The following KDM4B variants were observed in gnomAD, a reference collection of about 807,000 sequenced individuals.
The protein encoded by KDM4B is lysine-specific demethylase 4B.
KDM4B carries 32 observed loss-of-function variants against 125.2 expected under a neutral mutation model. That is an observed-to-expected ratio of 0.26 (90% CI 0.19 to 0.34). KDM4B has a LOEUF of 0.34. Ranked by LOEUF, KDM4B falls within the 10% of genes least tolerant of loss-of-function variation. KDM4B has a pLI of 1.00. For missense variants in KDM4B, 1,190 were observed against 1,577.7 expected (o/e 0.75, Z 4.16); for synonymous variants, 721 against 677.9 (o/e 1.06, Z -0.99).
intron 6 of KDM4B, among the ~76,000 whole-genome samples, chr19:5,055,729 C>G (rs1403024681): frequency 6.6e-6 from 1 of 152,214 alleles, no homozygotes; most frequent in Non-Finnish European, 1.5e-5. Context: ...TCATTCTTGT[C>G]CCAGGCTTGT....
In KDM4B at chr19:5,013,536, C is replaced by T. The variant is rs566840810; in HGVS notation, c.-108-2721C>T. On this transcript the variant is annotated intron_variant, in intron 1 of 22. Transcript: ENST00000159111. Reference sequence around the variant, plus strand: ...CATGATGTGGGCAGGGCTGTTCCTTCTGGAGGCTCCCGGAGACAGTCCATT... The same window carrying T: ...CATGATGTGGGCAGGGCTGTTCCTTTTGGAGGCTCCCGGAGACAGTCCATT... Among the ~76,000 whole-genome samples the T allele has an allele frequency of 2.0e-5, 3 of 152,216 alleles. No individual in the cohort carries two copies. In the South Asian group the frequency reaches 6.2e-4, roughly 32 times the overall value.
chr19:4,980,556 TG>T lies in KDM4B; in HGVS notation c.-109+11329del, dbSNP rs1298206191. On this transcript the variant is annotated intron_variant, in intron 1 of 22. Transcript: ENST00000159111. ...CTCCTGCCTCAGCCTCCTGAGTAGC[TG>T]GGATTACAGGCACCTGCCACCACAC... 1.4e-4 allele frequency among the ~76,000 whole-genome samples: 21 copies of T among 151,646 alleles called. 1 individual carries two copies. Among genetic ancestry groups the T allele is most frequent in the Admixed American group, 1.4e-3 (21 of 15,208 alleles).
At chr19:5,073,452 T>C (rs933869055) in intron 7 of KDM4B, among the ~76,000 whole-genome samples, 1 of 152,226 alleles carries the variant, frequency 6.6e-6, no homozygotes, top group Non-Finnish European at 1.5e-5. Flanking sequence ...CTCCTGGTGC[T>C]CTCTGGTGCC....
chr19:5,029,343 C>T lies in KDM4B; in HGVS notation c.-25-3523C>T, dbSNP rs557769366. Among the ~76,000 whole-genome samples, 9 of 152,320 alleles carry T rather than the reference C, an allele frequency of 5.9e-5. No homozygotes were observed. In the South Asian group the frequency reaches 1.7e-3, roughly 28 times the overall value. On this transcript the variant is annotated intron_variant, in intron 2 of 22. Transcript: ENST00000159111. ...TGGCTCTTCCAGGGTGTCTGATGCC[C>T]CCGAGTCATCCTGTGTCCTCTGTCT...
chr19:4,979,336 G>A (rs1287617608), intron 1 of KDM4B, among the ~76,000 whole-genome samples: 4 of 152,236 alleles, frequency 2.6e-5, no homozygotes, highest in Non-Finnish European at 5.9e-5. Flanking sequence ...GCAGTGCGCC[G>A]GGAGGCTTCC....
intron 11 of KDM4B, among the ~76,000 whole-genome samples, chr19:5,129,033 G>A (rs1488015902): frequency 2.6e-5 from 4 of 152,220 alleles, no homozygotes; most frequent in Non-Finnish European, 5.9e-5. Context: ...GGACTAGCAG[G>A]GGTGGGGGCC....
chr19:5,038,782 C>T (rs1426137515), intron 3 of KDM4B, among the ~76,000 whole-genome samples: 1 of 152,226 alleles, frequency 6.6e-6, no homozygotes, highest in Non-Finnish European at 1.5e-5. Flanking sequence ...TGCGCTGGGC[C>T]CCAGCACGCT....
intron 1 of KDM4B, among the ~76,000 whole-genome samples, chr19:5,015,114 G>T (rs529935178): frequency 6.6e-6 from 1 of 152,278 alleles, no homozygotes; most frequent in African/African-American, 2.4e-5. Context: ...GGCATTAGCT[G>T]AGCAGAAGGA....
intron 1 of KDM4B, among the ~76,000 whole-genome samples, chr19:4,973,082 A>G (rs987038406): frequency 6.6e-6 from 1 of 152,214 alleles, no homozygotes; most frequent in African/African-American, 2.4e-5. Flanking sequence ...TTTGCCAGAC[A>G]GTTTTCTTTA....
At chr19:4,985,080 T>G (rs1317815903) in intron 1 of KDM4B, among the ~76,000 whole-genome samples, 2 of 152,168 alleles carry the variant, frequency 1.3e-5, no homozygotes, top group African/African-American at 4.8e-5. Flanking sequence ...CCTAGCACTT[T>G]GGGAGGCCAA....
At chr19:5,062,797 T>TA (rs1555703218) in intron 6 of KDM4B, among the ~76,000 whole-genome samples, 6 of 133,316 alleles carry the variant, frequency 4.5e-5, no homozygotes, top group Non-Finnish European at 9.6e-5. Context: ...TTTTTTTTTT[T>TA]AGAGATAGAG....
intron 10 of KDM4B, among the ~76,000 whole-genome samples, chr19:5,113,510 C>T (rs1021793868): frequency 6.6e-6 from 1 of 152,122 alleles, no homozygotes; most frequent in African/African-American, 2.4e-5. Flanking sequence ...GGCTCCCTCC[C>T]TGAGGGCATA....
intron 15 of KDM4B, 84 bp downstream of exon 15, chr19:5,135,645 T>C: frequency 8.4e-7 from 1 of 1,189,766 alleles, no homozygotes; most frequent in Non-Finnish European, 1.2e-6. Flanking sequence ...CATCCTCCCC[T>C]GCGGAGGGCC....
At chr19:5,063,860 C>T (rs186542353) in intron 6 of KDM4B, among the ~76,000 whole-genome samples, 9 of 152,336 alleles carry the variant, frequency 5.9e-5, no homozygotes, top group Admixed American at 2.6e-4. Flanking sequence ...GGTCACCATG[C>T]GGCTCTGAGG....
intron 6 of KDM4B, among the ~76,000 whole-genome samples, chr19:5,051,857 C>G (rs1255709838): frequency 1.3e-5 from 2 of 152,246 alleles, no homozygotes; most frequent in East Asian, 3.9e-4. Flanking sequence ...CCCCCATGGT[C>G]TCATCTCTGG....
At chr19:5,119,046 T>G in intron 10 of KDM4B, 3 of 874,950 alleles carry the variant, frequency 3.4e-6, no homozygotes, top group Non-Finnish European at 5.4e-6. Flanking sequence ...CAGAGCCAGG[T>G]GGCCAGGACC....
At position 4,997,476 on chromosome 19, in the gene KDM4B, G is replaced by A. The variant is rs759571342; in HGVS notation, c.-108-18781G>A. 2.6e-5 allele frequency among the ~76,000 whole-genome samples: 4 copies of A among 152,124 alleles called. No individual in the cohort carries two copies. Among genetic ancestry groups the A allele is most frequent in the Non-Finnish European group, 4.4e-5 (3 of 68,012 alleles). On this transcript the variant is annotated intron_variant, in intron 1 of 22. Coordinates refer to ENST00000159111, the MANE Select transcript of KDM4B (RefSeq NM_015015.3). This position sits in a 1 kb window ranked among gnomAD's most constrained non-coding sequence, Gnocchi z 4.2. ...TGTTTCCAACATGTCCACCCCAGCC[G>A]GCTGGGCCTGCGTACCCAGTGGGTG...
intron 6 of KDM4B, among the ~76,000 whole-genome samples, chr19:5,063,274 T>A (rs1342882481): frequency 1.3e-5 from 2 of 152,210 alleles, no homozygotes; most frequent in Non-Finnish European, 2.9e-5. Context: ...ATGCTGTATT[T>A]AGGATTTTTA....
intron 2 of KDM4B, among the ~76,000 whole-genome samples, chr19:5,026,879 C>A (rs1446574910): frequency 6.6e-6 from 1 of 152,182 alleles, no homozygotes; most frequent in Admixed American, 6.5e-5. Context: ...TGACTGCCGC[C>A]CCCTTTCTGC....
Sources: gnomAD v4.1 joint callset for allele counts (sites outside exome capture counted in the v4.1 genomes callset) on GRCh38, gnomAD v4.1.1 for gene constraint, Gnocchi (gnomAD v3.1) non-coding constraint, MANE v1.5 for transcripts, NCBI Gene and HGNC (gene_info 2026-07-23, HGNC 2026-07-21) for gene names.